The following MGAT5 variants were observed in gnomAD, a reference collection of about 807,000 sequenced individuals.
MGAT5 encodes alpha-1,6-mannosylglycoprotein 6-beta-N-acetylglucosaminyltransferase, also known as alpha-1,6-mannosylglycoprotein 6-beta-N-acetylglucosaminyltransferase A.
In MGAT5, 30 loss-of-function variants were observed where a neutral mutation model predicts 94.3. The observed-to-expected ratio is 0.32, with a 90% CI of 0.24 to 0.43. The LOEUF (loss-of-function observed/expected upper bound fraction) is 0.43, where lower values mean the gene tolerates loss of function less well. MGAT5 is among the 20% of genes least tolerant of loss of function. The pLI, the probability that MGAT5 is intolerant of heterozygous loss-of-function variation, is 1.00. For missense variants in MGAT5, 691 were observed against 905.5 expected, an observed-to-expected ratio of 0.76 and a Z score of 3.04; for synonymous variants, 310 against 322.9, an observed-to-expected ratio of 0.96 and a Z score of 0.43.
intron 1 of MGAT5, among the ~76,000 whole-genome samples, chr2:134,218,809 C>T (rs1365681451): frequency 6.6e-6 from 1 of 152,144 alleles, no homozygotes; most frequent in Non-Finnish European, 1.5e-5. Context: ...TACAGGGAGA[C>T]TCTTAATTGG....
At chr2:134,328,842 A>G (rs992878461) in intron 4 of MGAT5, among the ~76,000 whole-genome samples, 19 of 151,982 alleles carry the variant, frequency 1.3e-4, no homozygotes, top group African/African-American at 4.6e-4. Flanking sequence ...GGGTCAGGGA[A>G]GGCTTCTGTA....
rs56181696 is a variant in MGAT5, at chr2:134,419,442, TTGTGTGTGTGTGTGTG to T, written c.1678-3329_1678-3314del. 6.3e-3 allele frequency among the ~76,000 whole-genome samples: 841 copies of T among 134,220 alleles called. 6 individuals are homozygous for T. The highest frequency in any genetic ancestry group is 7.6e-3 in the Non-Finnish European group (483 of 63,222). The allele number at this position is 134,220 out of a possible 152,430, so 88.1% of individuals were successfully genotyped here. A position where few individuals can be genotyped will look rare whatever the true frequency, so the allele number is the denominator to read the frequency against. ...ATTAGAAATACTCTGGCTTCAGGGT[TTGTGTGTGTGTGTGTG>T]TGTGTGTGTGTGTGTGTGTGTGTGT... On this transcript the variant is annotated intron_variant, in intron 12 of 15. Transcript: ENST00000281923.
chr2:134,237,146 T>C (rs1020029320), intron 1 of MGAT5, among the ~76,000 whole-genome samples: 2 of 122,948 alleles, frequency 1.6e-5, no homozygotes, highest in African/African-American at 2.8e-5. Context: ...TGTGTGTGTG[T>C]GTGCGCGTGT....
intron 1 of MGAT5, among the ~76,000 whole-genome samples, chr2:134,213,560 C>T (rs534454327): frequency 6.6e-6 from 1 of 152,310 alleles, no homozygotes; most frequent in Admixed American, 6.5e-5. Context: ...AAAACTGCCC[C>T]CACTTCAGAC....
chr2:134,186,063 T>TA (rs1689000216), intron 1 of MGAT5, among the ~76,000 whole-genome samples: 1 of 152,198 alleles, frequency 6.6e-6, no homozygotes, highest in Non-Finnish European at 1.5e-5. Flanking sequence ...TAGCATGACT[T>TA]ACTGTTTGCA....
chr2:134,382,064 T>C (rs1343723346), intron 10 of MGAT5, among the ~76,000 whole-genome samples: 4 of 152,188 alleles, frequency 2.6e-5, no homozygotes, highest in Admixed American at 1.3e-4. Flanking sequence ...AGCCAAGCTG[T>C]TGCTCTTTGG....
intron 1 of MGAT5, among the ~76,000 whole-genome samples, chr2:134,260,028 T>G (rs1236587498): frequency 6.6e-6 from 1 of 151,666 alleles, no homozygotes; most frequent in Non-Finnish European, 1.5e-5. Context: ...AAGAGAGAGG[T>G]GGAGGCAGAG....
At chr2:134,426,147 C>G (rs920541935) in intron 13 of MGAT5, among the ~76,000 whole-genome samples, 4 of 152,174 alleles carry the variant, frequency 2.6e-5, no homozygotes, top group African/African-American at 9.7e-5. Context: ...AATGCAGAAG[C>G]CCCTGCCTGC....
At chr2:134,307,394 CA>C (rs35028058) in intron 2 of MGAT5, among the ~76,000 whole-genome samples, 82,753 of 151,876 alleles carry the variant, frequency 0.54, 25,682 homozygotes, top group Non-Finnish European at 0.69. Context: ...TTTTTATCCA[CA>C]AAATGTGACT....
At chr2:134,392,631 A>C (rs987426459) in intron 10 of MGAT5, among the ~76,000 whole-genome samples, 2 of 152,222 alleles carry the variant, frequency 1.3e-5, no homozygotes, top group Non-Finnish European at 1.5e-5. Context: ...CTACAACAAC[A>C]GCATGTTGAC....
intron 1 of MGAT5, among the ~76,000 whole-genome samples, chr2:134,225,501 A>G (rs943916102): frequency 2.6e-5 from 4 of 152,168 alleles, no homozygotes; most frequent in Non-Finnish European, 5.9e-5. Flanking sequence ...CTGATTTTCT[A>G]TCATTTTTTT....
At chr2:134,385,728 CAATT>C (rs1489663049) in intron 10 of MGAT5, among the ~76,000 whole-genome samples, 4 of 152,006 alleles carry the variant, frequency 2.6e-5, no homozygotes, top group African/African-American at 9.7e-5. Flanking sequence ...TAGGGCATGA[CAATT>C]AAAAAATGAA....
intron 1 of MGAT5, among the ~76,000 whole-genome samples, chr2:134,142,626 A>G (rs1415959341): frequency 5.3e-5 from 8 of 152,260 alleles, no homozygotes; most frequent in Non-Finnish European, 1.2e-4. Flanking sequence ...CTGGGGAGCC[A>G]AGGCCTTCTG....
At chr2:134,366,145 G>T (rs562172542) in intron 10 of MGAT5, among the ~76,000 whole-genome samples, 3 of 152,140 alleles carry the variant, frequency 2.0e-5, no homozygotes, top group African/African-American at 7.2e-5. Context: ...TACCTCTGAG[G>T]CCATCTAATC....
chr2:134,342,001 T>C (rs891235908), intron 7 of MGAT5, among the ~76,000 whole-genome samples: 9 of 152,154 alleles, frequency 5.9e-5, no homozygotes, highest in African/African-American at 2.2e-4. Flanking sequence ...AAATTCAAAC[T>C]AAGGAGCTTA....
chr2:134,405,974 T>C (rs111515432), intron 11 of MGAT5, among the ~76,000 whole-genome samples: 2,361 of 152,338 alleles, frequency 0.015, 71 homozygotes, highest in African/African-American at 0.053. Context: ...ATCCTTCTAA[T>C]TGGGGTATAA....
At chr2:134,376,958 C>T (rs1017391579) in intron 10 of MGAT5, among the ~76,000 whole-genome samples, 1 of 152,206 alleles carries the variant, frequency 6.6e-6, no homozygotes, top group Non-Finnish European at 1.5e-5. Context: ...GATCCTTTCA[C>T]CTACCTAAAC....
intron 12 of MGAT5, among the ~76,000 whole-genome samples, chr2:134,416,485 T>TTTTTTTTTTTG (rs1558870796): frequency 6.6e-6 from 1 of 151,892 alleles, no homozygotes; most frequent in African/African-American, 2.4e-5. Context: ...TTTTTTTTTT[T>TTTTTTTTTTTG]GGAGACCGGG....
At chr2:134,323,048 C>T (rs1044197180) in intron 4 of MGAT5, among the ~76,000 whole-genome samples, 2 of 152,112 alleles carry the variant, frequency 1.3e-5, no homozygotes. Context: ...AGATGGTACT[C>T]TTCCTTCATT....
Sources: gnomAD v4.1 joint callset for allele counts (sites outside exome capture counted in the v4.1 genomes callset) on GRCh38, gnomAD v4.1.1 for gene constraint, MANE v1.5 for transcripts, NCBI Gene and HGNC (gene_info 2026-07-23, HGNC 2026-07-21) for gene names.